The following SLC35F4 variants were observed in gnomAD, a reference collection of about 807,000 sequenced individuals.
SLC35F4 encodes solute carrier family 35 member F4.
In SLC35F4, 24 loss-of-function variants were observed where a neutral mutation model predicts 44.2. That is an observed-to-expected ratio of 0.54 (90% confidence interval 0.39 to 0.76). The LOEUF (loss-of-function observed/expected upper bound fraction) is 0.76. Among genes scored for constraint, SLC35F4 ranks in the 30% least tolerant of loss-of-function variants. The pLI, the probability that SLC35F4 is intolerant of heterozygous loss-of-function variation, is 0.00. For synonymous variants in SLC35F4, 238 were observed against 223.6 expected (o/e 1.06, Z -0.57); for missense variants, 562 against 586.1 (o/e 0.96, Z 0.42).
exon 2 of SLC35F4, chr14:57,976,832 A>G (rs567503560): frequency 3.3e-5 from 5 of 152,368 alleles, no homozygotes; most frequent in African/African-American, 7.2e-5. Flanking sequence ...GGAAAGCAGT[A>G]TGCATTCATT....
At chr14:57,736,676 T>G (rs1479817029) in intron 1 of SLC35F4, among the ~76,000 whole-genome samples, 1 of 152,182 alleles carries the variant, frequency 6.6e-6, no homozygotes, top group Non-Finnish European at 1.5e-5. Flanking sequence ...CACAAGTTAT[T>G]ATCTGACCAT....
At position 57,594,891 on chromosome 14, in the gene SLC35F4, C is replaced by G. The variant is rs116005673; in HGVS notation, c.104-767G>C. 3.6e-3 allele frequency among the ~76,000 whole-genome samples: 554 copies of G among 152,316 alleles called. 3 individuals carry two copies. Among genetic ancestry groups the G allele is most frequent in the African/African-American group, 0.013 (543 of 41,572 alleles). Reference sequence around the variant, plus strand: ...AGAATCTCCAACCCCGGGTCAGCCTCATGGGTCTGCAGCCAATATAGTCAC... The same window carrying G: ...AGAATCTCCAACCCCGGGTCAGCCTGATGGGTCTGCAGCCAATATAGTCAC... On this transcript the variant is annotated intron_variant, in intron 1 of 7. Transcript: ENST00000556826.
At chr14:57,878,962 T>A (rs1422447750) in intron 1 of SLC35F4, among the ~76,000 whole-genome samples, 1 of 152,166 alleles carries the variant, frequency 6.6e-6, no homozygotes, top group Non-Finnish European at 1.5e-5. Context: ...CTTATGAACA[T>A]TGACAAACCA....
chr14:57,656,928 G>A (rs1027361495), intron 1 of SLC35F4, among the ~76,000 whole-genome samples: 1 of 152,030 alleles, frequency 6.6e-6, no homozygotes, highest in Non-Finnish European at 1.5e-5. Context: ...ATATCCATTT[G>A]TACATTACGT....
chr14:57,955,922 T>C (rs1354271639), intron 1 of SLC35F4, among the ~76,000 whole-genome samples: 2 of 152,108 alleles, frequency 1.3e-5, no homozygotes, highest in Admixed American at 6.6e-5. Context: ...ACTTTCTTCA[T>C]AGAATTATAA....
chr14:57,752,764 G>T (rs1952351199), intron 1 of SLC35F4, among the ~76,000 whole-genome samples: 1 of 152,094 alleles, frequency 6.6e-6, no homozygotes, highest in Non-Finnish European at 1.5e-5. Flanking sequence ...TGGCCGGAAA[G>T]CCTTGTCTTT....
At chr14:57,917,684 A>G (rs909322501) in intron 1 of SLC35F4, among the ~76,000 whole-genome samples, 4 of 151,768 alleles carry the variant, frequency 2.6e-5, no homozygotes, top group Admixed American at 1.3e-4. Flanking sequence ...TTTCATTTTC[A>G]TTTTTACTTC....
At chr14:57,680,041 G>T (rs1275202034) in intron 1 of SLC35F4, among the ~76,000 whole-genome samples, 1 of 152,036 alleles carries the variant, frequency 6.6e-6, no homozygotes, top group African/African-American at 2.4e-5. Flanking sequence ...GCATCATCCT[G>T]ATACCAAAAC....
upstream of SLC35F4, among the ~76,000 whole-genome samples, chr14:57,867,288 A>AT (rs958976963): frequency 1.1e-4 from 17 of 152,152 alleles, no homozygotes; most frequent in African/African-American, 3.6e-4. Context: ...AAATATGCAA[A>AT]TTTTTTTTCT....
In SLC35F4 at chr14:57,908,636, G is replaced by A. The variant is rs186198834; in HGVS notation, n.282+73277C>T. ...TTTGCCCACTTTTTGATGGGGTTGT[G>A]TTTTTCTTGTAAATTTGTTTCAGTT... On this transcript the variant is annotated intron_variant and non_coding_transcript_variant, in intron 1 of 1. Transcript: ENST00000556568. Among the ~76,000 whole-genome samples, 778 of 151,860 alleles carry A rather than the reference G, an allele frequency of 5.1e-3. 8 individuals carry two copies. Among genetic ancestry groups the A allele is most frequent in the African/African-American group, 0.018 (747 of 41,456 alleles).
At chr14:57,715,810 G>A (rs1404669764) in intron 1 of SLC35F4, among the ~76,000 whole-genome samples, 4 of 152,192 alleles carry the variant, frequency 2.6e-5, no homozygotes, top group Non-Finnish European at 5.9e-5. Context: ...ACTAGAAGAG[G>A]AGAGACAAAA....
intron 1 of SLC35F4, among the ~76,000 whole-genome samples, chr14:57,915,555 C>T (rs1371831980): frequency 6.6e-6 from 1 of 152,204 alleles, no homozygotes; most frequent in Non-Finnish European, 1.5e-5. Context: ...AGACTGAATG[C>T]TTTGCTACTT....
At chr14:57,875,982 G>A (rs973103882) in intron 1 of SLC35F4, among the ~76,000 whole-genome samples, 1 of 152,206 alleles carries the variant, frequency 6.6e-6, no homozygotes, top group African/African-American at 2.4e-5. Flanking sequence ...CCAACCATGG[G>A]TTAACAGAAG....
At chr14:57,763,258 A>G (rs1326418311) in intron 1 of SLC35F4, among the ~76,000 whole-genome samples, 9 of 152,172 alleles carry the variant, frequency 5.9e-5, no homozygotes, top group Admixed American at 5.9e-4. Flanking sequence ...CAATATACTC[A>G]GCTTCAAGAG....
intron 1 of SLC35F4, among the ~76,000 whole-genome samples, chr14:57,740,983 C>T (rs907850708): frequency 6.6e-6 from 1 of 152,140 alleles, no homozygotes; most frequent in African/African-American, 2.4e-5. Context: ...CTCGAGTGGA[C>T]CTCCAGCAAA....
chr14:57,892,756 C>A (rs538970143), intron 1 of SLC35F4, among the ~76,000 whole-genome samples: 2 of 152,080 alleles, frequency 1.3e-5, no homozygotes, highest in African/African-American at 4.8e-5. Context: ...GTCATGAAAC[C>A]AGTCCTATTT....
intron 1 of SLC35F4, among the ~76,000 whole-genome samples, chr14:57,728,530 C>A (rs546841260): frequency 1.2e-4 from 16 of 132,356 alleles, no homozygotes; most frequent in Middle Eastern, 5.8e-3. Context: ...CTCACTGCAA[C>A]CTTCACCTCC....
chr14:57,979,907 A>G (rs555122785), intron 1 of SLC35F4, among the ~76,000 whole-genome samples: 1 of 152,380 alleles, frequency 6.6e-6, no homozygotes, highest in South Asian at 2.1e-4. Flanking sequence ...CATTTACACC[A>G]TGGAAAATAG....
rs375829815 is a variant in SLC35F4, at chr14:57,566,542, A to C, written c.1149T>G (p.Val383=). Residue 383 remains valine, a synonymous_variant, in exon 7 of 8, where the codon GTT becomes GTG. Transcript: ENST00000556826. ...LWLAFNILVN[V]GVVLTYPILI... is the part of the protein sequence containing the mutation. ...GGATTGGGTATGTCAGCACCACCCC[A>C]ACATTCACCAGGATGTTGAAGGCTG... The C allele has an allele frequency of 6.2e-7, 1 of 1,601,784 alleles. No homozygotes were observed. The highest frequency in any genetic ancestry group is 1.7e-5 in the Admixed American group (1 of 58,462).
Sources: allele counts gnomAD v4.1 joint callset (sites outside exome capture counted in the v4.1 genomes callset), GRCh38; gene constraint gnomAD v4.1.1; transcripts MANE v1.5; gene names NCBI Gene and HGNC (gene_info 2026-07-23, HGNC 2026-07-21).